The following TIMP2 variants were observed in gnomAD, a reference collection of about 807,000 sequenced individuals.
TIMP2 encodes TIMP metallopeptidase inhibitor 2, also known as metalloproteinase inhibitor 2.
A neutral mutation model predicts 24.3 loss-of-function variants in TIMP2; 5 were observed. The ratio of observed to expected loss-of-function variants is 0.21; its 90% CI spans 0.11 to 0.43. TIMP2 has a LOEUF of 0.43. TIMP2 is among the 20% of genes least tolerant of loss of function. The pLI is 1.00. For synonymous variants in TIMP2, 130 were observed against 123.2 expected (o/e 1.06, Z -0.37); for missense variants, 221 against 297.5 (o/e 0.74, Z 1.89).
At chr17:78,874,499 C>G (rs2009196) in intron 1 of TIMP2, among the ~76,000 whole-genome samples, 113,335 of 152,058 alleles carry the variant, frequency 0.75, 42,523 homozygotes, top group Admixed American at 0.8. Flanking sequence ...GCATATTTAG[C>G]TTTGGGGGTC....
intron 1 of TIMP2, among the ~76,000 whole-genome samples, chr17:78,883,633 C>T (rs1050170253): frequency 2.0e-5 from 3 of 152,140 alleles, no homozygotes; most frequent in Non-Finnish European, 2.9e-5. Context: ...GCTCCCTCCC[C>T]GGCTGCCTGA....
intron 1 of TIMP2, among the ~76,000 whole-genome samples, chr17:78,879,348 G>C (rs1038775751): frequency 2.0e-5 from 3 of 152,354 alleles, no homozygotes; most frequent in South Asian, 2.1e-4. Context: ...GGGAAAGCAG[G>C]CCACTTCAAA....
chr17:78,923,396 T>TGGGGGGGGGGGGGGGGGGGGGGGGG (rs1255104339), intron 1 of TIMP2, among the ~76,000 whole-genome samples: 6 of 47,662 alleles, frequency 1.3e-4, no homozygotes, highest in South Asian at 9.4e-4. Context: ...TGGGGCGGGG[T>TGGGGGGGGGGGGGGGGGGGGGGGGG]GGGGGGGGGG....
At chr17:78,857,088 A>C (rs2069529682) in intron 4 of TIMP2, 1 of 168,016 alleles carries the variant, frequency 6.0e-6, no homozygotes, top group East Asian at 1.7e-4. Flanking sequence ...TCCCACATTC[A>C]AGCAATTCTT....
chr17:78,863,247 A>T (rs988695978), intron 3 of TIMP2, among the ~76,000 whole-genome samples: 1 of 151,502 alleles, frequency 6.6e-6, no homozygotes, highest in East Asian at 1.9e-4. Flanking sequence ...TTTTTTATTT[A>T]TTTTTTTTGG....
chr17:78,890,842 C>G, intron 1 of TIMP2: 5 of 1,550,610 alleles, frequency 3.2e-6, no homozygotes, highest in Non-Finnish European at 3.5e-6. Context: ...TGGAGGAGGA[C>G]TTCAGATGGG....
At chr17:78,906,876 T>G (rs2070164209) in intron 1 of TIMP2, among the ~76,000 whole-genome samples, 1 of 150,398 alleles carries the variant, frequency 6.6e-6, no homozygotes, top group Non-Finnish European at 1.5e-5. Flanking sequence ...AGCCACCGTG[T>G]CTGGCCGGCA....
chr17:78,916,142 C>A (rs1444520360), intron 1 of TIMP2, among the ~76,000 whole-genome samples: 1 of 152,104 alleles, frequency 6.6e-6, no homozygotes, highest in East Asian at 1.9e-4. Flanking sequence ...AGCTGGTGTC[C>A]CCCACTAGCT....
At chr17:78,857,495 G>C in intron 4 of TIMP2, 27 bp downstream of exon 4, 1 of 1,613,810 alleles carries the variant, frequency 6.2e-7, no homozygotes, top group Non-Finnish European at 8.5e-7. Flanking sequence ...AGGAGGCGAT[G>C]CTCCAGCAGA....
intron 1 of TIMP2, among the ~76,000 whole-genome samples, chr17:78,894,045 G>A (rs2145774696): frequency 6.6e-6 from 1 of 152,302 alleles, no homozygotes; most frequent in East Asian, 1.9e-4. Flanking sequence ...GTCAAACGTA[G>A]TTGCAGCTGA....
intron 1 of TIMP2, among the ~76,000 whole-genome samples, chr17:78,916,330 T>TA (rs1824084758): frequency 1.3e-5 from 2 of 152,292 alleles, no homozygotes; most frequent in Admixed American, 1.3e-4. Flanking sequence ...GCTGGCTCCC[T>TA]TCCCCCTCAA....
chr17:78,871,162 G>A (rs1234366353), intron 2 of TIMP2, among the ~76,000 whole-genome samples, 156 bp from the exon 3 acceptor site: 1 of 152,132 alleles, frequency 6.6e-6, no homozygotes, highest in African/African-American at 2.4e-5. Context: ...GTTAGGAAAA[G>A]ACCGTTCCAG....
At position 78,855,681 on chromosome 17, in the gene TIMP2, T is replaced by G. The variant is rs578083142; in HGVS notation, c.649A>C (p.Ile217Leu). The G allele has an allele frequency of 2.7e-5, 43 of 1,613,768 alleles. No individual in the cohort carries two copies. In the South Asian group the frequency reaches 4.5e-4, roughly 17 times the overall value. The change falls in exon 5 of 5, where the codon ATC (isoleucine) becomes CTC (leucine). Residue 217 changes from isoleucine (I) to leucine (L), a missense_variant. Ile to Leu is a conservative substitution (Grantham distance 5). Transcript: ENST00000262768. The surrounding 1 kb of genome is among the most constrained non-coding windows in gnomAD (Gnocchi z 6.0). ...AAPPKQEFLD[I>L]EDP ...TGGAGGCCTGCTTATGGGTCCTCGA[T>G]GTCGAGAAACTCCTGCTTGGGGGGC...
chr17:78,895,964 C>T lies in TIMP2; in HGVS notation c.131-22045G>A, dbSNP rs540647954. ...CAGCCCGTTCAATGACCTCAGTGCA[C>T]CCCGTGCCAGCCCCACTGGCGTGGG... is the stretch of plus-strand genomic sequence containing the variant. On this transcript the variant is annotated intron_variant, in intron 1 of 4. Transcript: ENST00000262768. Among the ~76,000 whole-genome samples, 7 of 152,366 alleles carry T rather than the reference C, an allele frequency of 4.6e-5. No homozygotes were observed. In the South Asian group the frequency reaches 1.4e-3, roughly 32 times the overall value.
intron 1 of TIMP2, among the ~76,000 whole-genome samples, chr17:78,878,397 C>T (rs1014544929): frequency 3.3e-5 from 5 of 152,140 alleles, no homozygotes; most frequent in African/African-American, 7.2e-5. Context: ...CTGCGGTGCC[C>T]GGGAACTAAT....
chr17:78,892,087 G>A (rs1439620789), intron 1 of TIMP2: 1 of 1,551,880 alleles, frequency 6.4e-7, no homozygotes, highest in East Asian at 2.4e-5. Flanking sequence ...CTCCTCCCCA[G>A]CCCAACAGAC....
intron 1 of TIMP2, among the ~76,000 whole-genome samples, chr17:78,909,550 T>C (rs1599174459): frequency 6.7e-6 from 1 of 150,266 alleles, no homozygotes; most frequent in East Asian, 2.0e-4. Flanking sequence ...CATCACCTGG[T>C]GCCAGAGGCC....
In TIMP2 at chr17:78,879,596, C is replaced by T. The variant is rs957861595; in HGVS notation, c.131-5677G>A. 2.0e-4 allele frequency among the ~76,000 whole-genome samples: 31 copies of T among 152,100 alleles called. 1 individual carries two copies. Among genetic ancestry groups the T allele is most frequent in the African/African-American group, 7.2e-4 (30 of 41,412 alleles). ...TTCCCCAAGGAGCCAGAGGCAGCTG[C>T]GAGAGGGGGAGTCTTTATAAAGACT... is the stretch of plus-strand genomic sequence containing the variant. On this transcript the variant is annotated intron_variant, in intron 1 of 4. Coordinates refer to ENST00000262768, the MANE Select transcript of TIMP2 (RefSeq NM_003255.5).
rs78194478 is a variant in TIMP2, at chr17:78,869,278, G to A, written c.340+1620C>T. ...ACCAAAAAATAAAAAAATTAGCTGG[G>A]TGTGGTGGCACACACCTGTAGTTGA... is the stretch of plus-strand genomic sequence containing the variant. On this transcript the variant is annotated intron_variant, in intron 3 of 4. Coordinates refer to ENST00000262768, the MANE Select transcript of TIMP2 (RefSeq NM_003255.5). Among the ~76,000 whole-genome samples, 216 of 151,726 alleles carry A rather than the reference G, an allele frequency of 1.4e-3. 2 individuals carry two copies. The East Asian group carries it at 0.038, about 27-fold the overall frequency.
Sources: gnomAD v4.1 joint callset for allele counts (sites outside exome capture counted in the v4.1 genomes callset) on GRCh38, gnomAD v4.1.1 for gene constraint, Gnocchi (gnomAD v3.1) non-coding constraint, MANE v1.5 for transcripts, NCBI Gene and HGNC (gene_info 2026-07-23, HGNC 2026-07-21) for gene names.